Variants in ITSN1 observed in about 807,000 individuals in gnomAD.
ITSN1 encodes the protein intersectin-1.
Under a neutral mutation model 239.8 loss-of-function variants are expected in ITSN1, and 58 were observed. The ratio of observed to expected loss-of-function variants is 0.24; its 90% CI spans 0.20 to 0.30. The LOEUF (loss-of-function observed/expected upper bound fraction) is 0.30, where lower values mean the gene tolerates loss of function less well. ITSN1 is among the 10% of genes least tolerant of loss of function. ITSN1 has a pLI of 1.00. For synonymous variants in ITSN1, 780 were observed against 770.8 expected, an observed-to-expected ratio of 1.01 and a Z score of -0.20; for missense variants, 1,558 against 2,103.3, an observed-to-expected ratio of 0.74 and a Z score of 5.07.
rs758060866 is a variant in ITSN1 at position 33,819,355 on chromosome 21, A to G, written c.3016+32A>G. 2.7e-6 allele frequency: 4 copies of G among 1,480,924 alleles called. No homozygotes were observed. The South Asian group carries it at 4.5e-5, about 17-fold the overall frequency. The allele number at this position is 1,480,924 out of a possible 1,614,324, so 91.7% of individuals were successfully genotyped here. On this transcript the variant is annotated intron_variant, in intron 24 of 39. Coordinates refer to ENST00000381318, the MANE Select transcript of ITSN1 (RefSeq NM_003024.3). ...GCCTGAGTTGTATTATGTTCTTCAG[A>G]AGGGTCAAGGACATTGTGTAAATGT...
intron 16 of ITSN1, among the ~76,000 whole-genome samples, chr21:33,784,100 TAA>T (rs904985393): frequency 2.6e-5 from 4 of 152,186 alleles, no homozygotes; most frequent in African/African-American, 9.7e-5. Flanking sequence ...TATTTTTAAA[TAA>T]GAGTATTTCT....
chr21:33,763,606 C>T (rs1046376871), intron 9 of ITSN1, among the ~76,000 whole-genome samples: 5 of 151,918 alleles, frequency 3.3e-5, no homozygotes, highest in Admixed American at 6.6e-5. Context: ...TTGAGAATTG[C>T]GGATCAGATT....
At chr21:33,824,967 CA>C (rs1316906901) in intron 25 of ITSN1, among the ~76,000 whole-genome samples, 1 of 152,160 alleles carries the variant, frequency 6.6e-6, no homozygotes, top group Non-Finnish European at 1.5e-5. Context: ...AATTCTTCTC[CA>C]GGCCAGCAAG....
At position 33,683,783 on chromosome 21, in the gene ITSN1, G is replaced by C. The variant is rs75054927; in HGVS notation, c.-32-35014G>C. Among the ~76,000 whole-genome samples, 483 of 152,286 alleles carry C rather than the reference G, an allele frequency of 3.2e-3. 1 individual carries two copies. The highest frequency in any genetic ancestry group is 4.5e-3 in the Non-Finnish European group (307 of 68,028). Reference sequence around the variant, plus strand: ...CCAAATATTTGAAATACTAAATGTAGATTTAGGGAACTCAGTGACCAGTTT... The same window carrying C: ...CCAAATATTTGAAATACTAAATGTACATTTAGGGAACTCAGTGACCAGTTT... On this transcript the variant is annotated intron_variant, in intron 1 of 39. Coordinates refer to ENST00000381318, the MANE Select transcript of ITSN1 (RefSeq NM_003024.3).
intron 34 of ITSN1, among the ~76,000 whole-genome samples, chr21:33,877,466 G>A (rs1464677712): frequency 6.6e-6 from 1 of 152,154 alleles, no homozygotes; most frequent in East Asian, 1.9e-4. Flanking sequence ...TGTGTGAATC[G>A]TGGTTGTAAA....
chr21:33,888,349 A>G lies in ITSN1; in HGVS notation c.*49A>G. 2 of 1,539,684 alleles carry G rather than the reference A, an allele frequency of 1.3e-6. No homozygotes were observed. The highest frequency in any genetic ancestry group is 2.4e-5 in the South Asian group (2 of 84,128). ...GCAGGGTCCCAGCCCACGGCCACAC[A>G]TGCTGTCTGGAAATTGTATTCCTTT... On this transcript the variant is annotated 3_prime_UTR_variant, in exon 40 of 40. Coordinates refer to ENST00000381318, the MANE Select transcript of ITSN1 (RefSeq NM_003024.3).
At chr21:33,878,004 CTCTTTGTGTGTGTGTG>C (rs1569336106) in intron 34 of ITSN1, among the ~76,000 whole-genome samples, 1 of 120,440 alleles carries the variant, frequency 8.3e-6, no homozygotes, top group Non-Finnish European at 1.7e-5. Context: ...CTTTCTCTCT[CTCTTTGTGTGTGTGTG>C]TGTGTGTGTG....
At chr21:33,761,844 C>T (rs77400511) in intron 8 of ITSN1, 79 bp from the exon 9 acceptor site, 17,551 of 1,003,482 alleles carry the variant, frequency 0.017, 196 homozygotes, top group Non-Finnish European at 0.024. Context: ...GAGTAGTCCA[C>T]ATACGCAGAA....
At chr21:33,845,335 C>A (rs1476938465) in intron 29 of ITSN1, among the ~76,000 whole-genome samples, 7 of 152,102 alleles carry the variant, frequency 4.6e-5, no homozygotes, top group African/African-American at 1.7e-4. Context: ...AAGGCCAGGG[C>A]TGAAGGAGCT....
chr21:33,748,411 T>A (rs1337803563), intron 5 of ITSN1, among the ~76,000 whole-genome samples: 1 of 152,162 alleles, frequency 6.6e-6, no homozygotes, highest in Non-Finnish European at 1.5e-5. Context: ...ATCACGTGAC[T>A]GTACTTCAGC....
intron 27 of ITSN1, among the ~76,000 whole-genome samples, chr21:33,830,401 A>G (rs919144486): frequency 2.6e-5 from 4 of 152,206 alleles, no homozygotes; most frequent in African/African-American, 9.6e-5. Flanking sequence ...CAGATCACTC[A>G]TGATCTGCAG....
At chr21:33,819,911 A>G (rs933361605) in intron 24 of ITSN1, among the ~76,000 whole-genome samples, 8 of 151,944 alleles carry the variant, frequency 5.3e-5, no homozygotes, top group Admixed American at 5.2e-4. Flanking sequence ...GAACCCGGGA[A>G]GCGGAGCTTG....
chr21:33,767,581 A>G (rs2068814574), intron 10 of ITSN1, 132 bp from the exon 11 acceptor site: 1 of 469,924 alleles, frequency 2.1e-6, no homozygotes, highest in Non-Finnish European at 3.8e-6. Flanking sequence ...CCAAATCTTT[A>G]TATTTTCCTT....
In ITSN1 at chr21:33,888,230, T is replaced by G. The variant is rs1290026665; in HGVS notation, c.5096T>G (p.Leu1699Arg). 6.2e-7 allele frequency: 1 copy of G among 1,614,154 alleles called. No individual in the cohort carries two copies. The highest frequency in any genetic ancestry group is 8.5e-7 in the Non-Finnish European group (1 of 1,180,022). Residue 1699 changes from leucine (L) to arginine (R), a missense_variant, in exon 40 of 40, where the codon CTT becomes CGT. Physicochemically the swap from Leu to Arg is moderately radical, Grantham distance 102 (BLOSUM62 -2). This residue lies in a region of ITSN1 where 576 missense variants were observed against 893.3 expected (regional missense o/e 0.64). Transcript: ENST00000381318. ...TCCAAAGGTCCAGTTACGAAGTGTC[T>G]TCTGCTGCACGAAGTCCCCACGGGA... The part of the protein sequence containing the change: ...QGSKGPVTKC[L>R]LLHEVPTGEI...
chr21:33,805,723 G>C (rs2072363538), intron 20 of ITSN1, among the ~76,000 whole-genome samples: 1 of 151,748 alleles, frequency 6.6e-6, no homozygotes, highest in Non-Finnish European at 1.5e-5. Flanking sequence ...CCAGGCTGGA[G>C]TGCAGTGGCG....
At chr21:33,731,466 CATTTT>C (rs904367748) in intron 4 of ITSN1, among the ~76,000 whole-genome samples, 5 of 152,200 alleles carry the variant, frequency 3.3e-5, no homozygotes, top group African/African-American at 1.2e-4. Flanking sequence ...TTCACCATTT[CATTTT>C]ATTTACTTAG....
At chr21:33,876,298 C>T (rs1388343200) in intron 34 of ITSN1, among the ~76,000 whole-genome samples, 4 of 142,666 alleles carry the variant, frequency 2.8e-5, no homozygotes, top group Non-Finnish European at 6.0e-5. Context: ...TTCTCTCTCT[C>T]TTTCTTTCTC....
intron 4 of ITSN1, among the ~76,000 whole-genome samples, chr21:33,726,952 C>T (rs779162591): frequency 1.3e-5 from 2 of 152,138 alleles, no homozygotes; most frequent in Admixed American, 6.5e-5. Flanking sequence ...TGTTAGAAAC[C>T]TTTATTATGT....
chr21:33,643,348 C>T (rs2087610272), intron 1 of ITSN1: 1 of 152,228 alleles, frequency 6.6e-6, no homozygotes. Context: ...CCGGGTCCGC[C>T]GCGTCCCTTC....
Sources: gnomAD v4.1 joint callset for allele counts (sites outside exome capture counted in the v4.1 genomes callset) on GRCh38, gnomAD v4.1.1 for gene constraint, gnomAD v4.1.1 regional missense constraint, MANE v1.5 for transcripts, NCBI Gene and HGNC (gene_info 2026-07-23, HGNC 2026-07-21) for gene names.